RRM2: variants seen among roughly 807,000 people sequenced by gnomAD.
RRM2 encodes the protein ribonucleoside-diphosphate reductase subunit M2.
In RRM2, 6 loss-of-function variants were observed where a neutral mutation model predicts 45.9. The ratio of observed to expected loss-of-function variants is 0.13; its 90% CI spans 0.07 to 0.26. The LOEUF is 0.26. Ranked by LOEUF, RRM2 falls within the 10% of genes least tolerant of loss-of-function variation. RRM2 has a pLI of 1.00. For synonymous variants in RRM2, 177 were observed against 173.0 expected (o/e 1.02, Z -0.18); for missense variants, 343 against 489.5 (o/e 0.70, Z 2.82).
chr2:10,139,470 G>A (rs1273140226), upstream of RRM2, among the ~76,000 whole-genome samples: 3 of 152,198 alleles, frequency 2.0e-5, no homozygotes, highest in African/African-American at 7.2e-5. Flanking sequence ...GTGGGGCATT[G>A]TCTGGAAGGG....
At chr2:10,189,753 GC>G (rs112191179) in intron 3 of RRM2, among the ~76,000 whole-genome samples, 6,345 of 152,332 alleles carry the variant, frequency 0.042, 457 homozygotes, top group African/African-American at 0.15. Context: ...CAGATGATGT[GC>G]TTAAAAGTCT....
In RRM2 at chr2:10,204,649, C is replaced by T. The variant is rs569190583; in HGVS notation, n.483-5662C>T. Among the ~76,000 whole-genome samples the T allele has an allele frequency of 5.6e-4, 85 of 152,312 alleles. No individual in the cohort carries two copies. Among genetic ancestry groups the T allele is most frequent in the African/African-American group, 1.8e-3 (73 of 41,528 alleles). On this transcript the variant is annotated intron_variant and non_coding_transcript_variant, in intron 3 of 3. Transcript: ENST00000381786. The surrounding 1 kb of genome is among the most constrained non-coding windows in gnomAD (Gnocchi z 4.0). Reference sequence around the variant, plus strand: ...TAGGGACAGGACGCTAATGCATCGGCGCCCCATTGATTCTGCCTGGCTTTT... The same window carrying T: ...TAGGGACAGGACGCTAATGCATCGGTGCCCCATTGATTCTGCCTGGCTTTT...
chr2:10,145,061 T>G (rs1663161147), intron 3 of RRM2, among the ~76,000 whole-genome samples: 1 of 150,412 alleles, frequency 6.6e-6, no homozygotes, highest in Admixed American at 6.6e-5. Flanking sequence ...TGTGGGAGAG[T>G]GGAAGCTGCG....
chr2:10,167,339 C>T (rs904955807), intron 3 of RRM2, among the ~76,000 whole-genome samples: 2 of 152,184 alleles, frequency 1.3e-5, no homozygotes, highest in Non-Finnish European at 1.5e-5. Context: ...GAAGCTGATC[C>T]GAGGGCCCAG....
intron 3 of RRM2, among the ~76,000 whole-genome samples, chr2:10,188,799 C>G (rs1249861417): frequency 6.6e-6 from 1 of 152,180 alleles, no homozygotes; most frequent in East Asian, 1.9e-4. Flanking sequence ...GGGTCAGGCG[C>G]TCAGCTAGGA....
At position 10,154,547 on chromosome 2, in the gene RRM2, A is replaced by G. The variant is rs147425192; in HGVS notation, n.482+12172A>G. ...CAGGCAGTATGAGGTTGCATGGTCA[A>G]TATCCTAACAGTCACAAAGCAAGCA... On this transcript the variant is annotated intron_variant and non_coding_transcript_variant, in intron 3 of 3. Coordinates refer to the RRM2 transcript ENST00000381786. Among the ~76,000 whole-genome samples, 9 of 152,090 alleles carry G rather than the reference A, an allele frequency of 5.9e-5. No individual in the cohort carries two copies. In the East Asian group the frequency reaches 1.7e-3, roughly 29 times the overall value.
chr2:10,156,582 T>C (rs1414585709), intron 3 of RRM2, among the ~76,000 whole-genome samples: 1 of 152,220 alleles, frequency 6.6e-6, no homozygotes, highest in Non-Finnish European at 1.5e-5. Flanking sequence ...AGCTAGGCCA[T>C]GTTCATTATT....
exon 4 of RRM2, chr2:10,210,549 C>G (rs1482403365): frequency 1.5e-6 from 2 of 1,366,812 alleles, no homozygotes; most frequent in East Asian, 9.1e-5. Flanking sequence ...CCACACAGGC[C>G]TGCGGAGCAG....
chr2:10,191,667 C>G (rs137998839), intron 3 of RRM2, among the ~76,000 whole-genome samples: 1 of 152,238 alleles, frequency 6.6e-6, no homozygotes, highest in African/African-American at 2.4e-5. Context: ...GAGCAGCCCA[C>G]AGCCAGGGCT....
At chr2:10,167,404 C>T (rs552189251) in intron 3 of RRM2, among the ~76,000 whole-genome samples, 13 of 152,278 alleles carry the variant, frequency 8.5e-5, no homozygotes, top group East Asian at 7.7e-4. Flanking sequence ...GGCTTGGACT[C>T]GCCTCTCGCC....
chr2:10,205,595 A>G lies in RRM2; in HGVS notation n.483-4716A>G, dbSNP rs1426314680. On this transcript the variant is annotated intron_variant and non_coding_transcript_variant, in intron 3 of 3. Coordinates refer to the RRM2 transcript ENST00000381786. The surrounding 1 kb of genome is among the most constrained non-coding windows in gnomAD (Gnocchi z 4.8). ...AGAGAGATACCTTCCGTTTCAAGGA[A>G]TATGCAGTTTGGATGTCTGAAAAAG... Among the ~76,000 whole-genome samples the G allele has an allele frequency of 2.0e-5, 3 of 152,228 alleles. No homozygotes were observed. Among genetic ancestry groups the G allele is most frequent in the Non-Finnish European group, 4.4e-5 (3 of 68,040 alleles).
intron 3 of RRM2, among the ~76,000 whole-genome samples, chr2:10,177,710 T>TTCCTTCCTTCCTCC (rs1553326755): frequency 2.1e-4 from 25 of 116,484 alleles, no homozygotes; most frequent in African/African-American, 7.1e-4. Flanking sequence ...TTCCTTCCTC[T>TTCCTTCCTTCCTCC]CTCCCTCCCT....
intron 3 of RRM2, among the ~76,000 whole-genome samples, chr2:10,182,389 C>T (rs895006255): frequency 6.6e-5 from 10 of 151,170 alleles, no homozygotes; most frequent in Non-Finnish European, 1.0e-4. Context: ...AAAAAAAATC[C>T]CACAAAAAAC....
At chr2:10,133,281 T>A (rs2045274115), downstream of RRM2, among the ~76,000 whole-genome samples, 1 of 152,264 alleles carries the variant, frequency 6.6e-6, no homozygotes, top group Non-Finnish European at 1.5e-5. Flanking sequence ...CACTTCATTG[T>A]GTGTGCACAT....
At chr2:10,197,068 G>A (rs941831585) in intron 3 of RRM2, among the ~76,000 whole-genome samples, 11 of 152,310 alleles carry the variant, frequency 7.2e-5, no homozygotes, top group Admixed American at 3.9e-4. Flanking sequence ...AGCTTGGCCC[G>A]TGCCTCTGCC....
At chr2:10,183,898 C>G (rs892742885) in intron 3 of RRM2, among the ~76,000 whole-genome samples, 1 of 151,378 alleles carries the variant, frequency 6.6e-6, no homozygotes, top group Non-Finnish European at 1.5e-5. Context: ...GACCATCCTG[C>G]CCAACATGGT....
intron 3 of RRM2, among the ~76,000 whole-genome samples, chr2:10,165,873 G>T (rs1663668390): frequency 6.6e-6 from 1 of 152,236 alleles, no homozygotes. Context: ...GCCCCGTGGT[G>T]ACTCCGTACA....
rs1257913436 is a variant in RRM2 at position 10,200,666 on chromosome 2, G to T, written n.483-9645G>T. Among the ~76,000 whole-genome samples the T allele has an allele frequency of 1.6e-5, 2 of 125,228 alleles. 1 individual carries two copies. Among genetic ancestry groups the T allele is most frequent in the Middle Eastern group, 7.6e-3 (2 of 264 alleles). 82.2% of individuals were successfully genotyped at this position (125,228 alleles called of 152,430 possible). On this transcript the variant is annotated intron_variant and non_coding_transcript_variant, in intron 3 of 3. Transcript: ENST00000381786. ...AGGCACCGCGCACACAAAATATGAG[G>T]CCCACAGGGACTGCGCGCACAAATT... is the stretch of plus-strand genomic sequence containing the variant.
chr2:10,166,474 G>A (rs1663684192), intron 3 of RRM2, among the ~76,000 whole-genome samples: 1 of 152,238 alleles, frequency 6.6e-6, no homozygotes, highest in African/African-American at 2.4e-5. Context: ...GTGAGGGTGG[G>A]TCAGGGATAC....
Sources: gnomAD v4.1 joint callset for allele counts (sites outside exome capture counted in the v4.1 genomes callset) on GRCh38, gnomAD v4.1.1 for gene constraint, Gnocchi (gnomAD v3.1) non-coding constraint, MANE v1.5 for transcripts, NCBI Gene and HGNC (gene_info 2026-07-23, HGNC 2026-07-21) for gene names.